Variants in CTNNA3 observed in about 807,000 individuals in gnomAD.
CTNNA3 encodes the protein catenin alpha-3.
Under a neutral mutation model 95.7 loss-of-function variants are expected in CTNNA3, and 76 were observed. That is an observed-to-expected ratio of 0.79 (90% CI 0.66 to 0.96). The LOEUF is 0.96. Among genes scored for constraint, CTNNA3 ranks in the 40% least tolerant of loss-of-function variants. The probability of loss-of-function intolerance (pLI) is 0.00; values close to 1 mark genes in which losing one functional copy is unlikely to be tolerated. For missense variants in CTNNA3, 1,191 were observed against 1,089.8 expected (o/e 1.09, Z -1.31); for synonymous variants, 431 against 374.4 (o/e 1.15, Z -1.74).
At chr10:66,199,795 ATATATATATATTTTT>A (rs1370024497) in intron 13 of CTNNA3, among the ~76,000 whole-genome samples, 1 of 15,772 alleles carries the variant, frequency 6.3e-5, no homozygotes, top group African/African-American at 1.8e-4. Context: ...ATATATATAT[ATATATATATATTTTT>A]TTTTTTTTTT....
At position 66,322,449 on chromosome 10, in the gene CTNNA3, G is replaced by A. The variant is rs116288188; in HGVS notation, c.1733-41828C>T. On this transcript the variant is annotated intron_variant, in intron 12 of 17. Coordinates refer to ENST00000433211, the MANE Select transcript of CTNNA3 (RefSeq NM_013266.4). ...GGCATGCCAATCATACTTAGCTGAA[G>A]AGACAGAAATCAAAGTTCAGTTGGA... 5.7e-3 allele frequency among the ~76,000 whole-genome samples: 863 copies of A among 152,128 alleles called. 12 individuals carry two copies. Among genetic ancestry groups the A allele is most frequent in the African/African-American group, 0.02 (832 of 41,526 alleles).
At chr10:67,166,814 C>T (rs1330891375) in intron 7 of CTNNA3, among the ~76,000 whole-genome samples, 1 of 152,104 alleles carries the variant, frequency 6.6e-6, no homozygotes, top group Non-Finnish European at 1.5e-5. Context: ...GTTTAAAAAG[C>T]AACAACTTCT....
At chr10:67,165,646 A>G (rs1861736812) in intron 7 of CTNNA3, among the ~76,000 whole-genome samples, 1 of 152,214 alleles carries the variant, frequency 6.6e-6, no homozygotes, top group Non-Finnish European at 1.5e-5. Context: ...ATTATTTCAA[A>G]ATTAAAAGTT....
intron 5 of CTNNA3, among the ~76,000 whole-genome samples, chr10:67,290,845 C>T (rs913680668): frequency 1.3e-5 from 2 of 152,160 alleles, no homozygotes; most frequent in African/African-American, 4.8e-5. Context: ...TGCAACCCCT[C>T]GCAGCTATAC....
intron 7 of CTNNA3, among the ~76,000 whole-genome samples, chr10:66,835,055 T>C (rs909448882): frequency 3.3e-5 from 5 of 152,198 alleles, no homozygotes; most frequent in Admixed American, 6.5e-5. Flanking sequence ...AGCAAAGTAC[T>C]AAGCCTGTAA....
chr10:67,403,703 A>T (rs1234148800), intron 5 of CTNNA3, among the ~76,000 whole-genome samples: 1 of 152,182 alleles, frequency 6.6e-6, no homozygotes, highest in Admixed American at 6.5e-5. Flanking sequence ...GCTGCTCTAC[A>T]AAAACGCAGG....
intron 1 of CTNNA3, among the ~76,000 whole-genome samples, chr10:67,726,972 A>T: frequency 8.6e-6 from 1 of 115,862 alleles, no homozygotes; most frequent in Admixed American, 1.1e-4. Flanking sequence ...TTATATATAT[A>T]ATATACGATA....
intron 11 of CTNNA3, among the ~76,000 whole-genome samples, chr10:66,496,355 A>T (rs1840098287): frequency 6.6e-6 from 1 of 152,218 alleles, no homozygotes. Flanking sequence ...TTTTAAAACG[A>T]TATATCTACA....
chr10:66,575,137 C>T (rs1842970111), intron 10 of CTNNA3, among the ~76,000 whole-genome samples: 1 of 152,054 alleles, frequency 6.6e-6, no homozygotes. Context: ...ACCGTCCTAG[C>T]CAGTATCTCT....
chr10:67,189,636 G>T (rs1307297265), intron 6 of CTNNA3, among the ~76,000 whole-genome samples: 1 of 151,832 alleles, frequency 6.6e-6, no homozygotes, highest in African/African-American at 2.4e-5. Flanking sequence ...CTAAAAAACA[G>T]TCTGGATGTG....
chr10:66,837,440 G>A (rs1842921477), intron 7 of CTNNA3: 1 of 152,148 alleles, frequency 6.6e-6, no homozygotes, highest in South Asian at 2.1e-4. Context: ...CCATCACCAA[G>A]CAGTGACCCC....
chr10:66,949,854 G>T (rs1043355114), intron 7 of CTNNA3, among the ~76,000 whole-genome samples: 1 of 152,154 alleles, frequency 6.6e-6, no homozygotes, highest in African/African-American at 2.4e-5. Context: ...GTGCAGAGAG[G>T]AATGGATACT....
chr10:67,570,457 A>G (rs1313933139), intron 3 of CTNNA3, among the ~76,000 whole-genome samples: 1 of 152,114 alleles, frequency 6.6e-6, no homozygotes, highest in African/African-American at 2.4e-5. Flanking sequence ...ATACATAGAT[A>G]ATCATACTCA....
intron 7 of CTNNA3, among the ~76,000 whole-genome samples, chr10:67,116,077 G>T (rs1192721732): frequency 1.3e-5 from 2 of 151,718 alleles, no homozygotes; most frequent in Non-Finnish European, 2.9e-5. Context: ...AACTAGATGA[G>T]TCAACTATTC....
At chr10:67,535,096 G>A (rs1840450293) in intron 4 of CTNNA3, among the ~76,000 whole-genome samples, 1 of 151,922 alleles carries the variant, frequency 6.6e-6, no homozygotes, top group Non-Finnish European at 1.5e-5. Context: ...TTTATAACTG[G>A]GATTACTAGA....
chr10:67,672,460 C>T (rs1276551359), intron 1 of CTNNA3, among the ~76,000 whole-genome samples: 3 of 152,274 alleles, frequency 2.0e-5, no homozygotes, highest in African/African-American at 7.2e-5. Context: ...ATGGTATCGC[C>T]TAGGTTTTCT....
At chr10:66,455,119 G>A (rs754232279) in intron 11 of CTNNA3, among the ~76,000 whole-genome samples, 6 of 151,948 alleles carry the variant, frequency 3.9e-5, no homozygotes, top group Non-Finnish European at 7.4e-5. Context: ...CCTCAACCTG[G>A]TGAAGAACAT....
chr10:66,991,547 T>C (rs543324016), intron 7 of CTNNA3, among the ~76,000 whole-genome samples: 1 of 152,138 alleles, frequency 6.6e-6, no homozygotes, highest in East Asian at 1.9e-4. Flanking sequence ...TGAAAACAAA[T>C]TTATTTATTT....
At chr10:67,203,816 G>A (rs557012028) in intron 6 of CTNNA3, among the ~76,000 whole-genome samples, 2 of 152,026 alleles carry the variant, frequency 1.3e-5, no homozygotes, top group Non-Finnish European at 2.9e-5. Context: ...ATTCAATATG[G>A]TTCCTCAAAA....
Sources: allele counts gnomAD v4.1 joint callset (sites outside exome capture counted in the v4.1 genomes callset), GRCh38; gene constraint gnomAD v4.1.1; transcripts MANE v1.5; gene names NCBI Gene and HGNC (gene_info 2026-07-23, HGNC 2026-07-21).